Variants in SLC6A14 observed in about 807,000 individuals in gnomAD.
SLC6A14 encodes the protein solute carrier family 6 member 14.
In SLC6A14, 21 loss-of-function variants were observed where a neutral mutation model predicts 51.4. The ratio of observed to expected loss-of-function variants is 0.41; its 90% CI spans 0.29 to 0.59. The LOEUF is 0.59. Among genes scored for constraint, SLC6A14 ranks in the 20% least tolerant of loss-of-function variants. The pLI is 0.31. For synonymous variants in SLC6A14, 177 were observed against 160.7 expected (o/e 1.10, Z -0.77); for missense variants, 371 against 472.8 (o/e 0.78, Z 2.00).
rs1556694988 is a variant in SLC6A14 at position 116,458,965 on chromosome X, G to GA, written c.*17dup. 1 of 1,176,858 alleles carries GA rather than the reference G, an allele frequency of 8.5e-7. No homozygotes were observed. Among genetic ancestry groups the GA allele is most frequent in the Non-Finnish European group, 1.1e-6 (1 of 874,940 alleles). ...CAGAAAACCGGAATGAGATCTCATTGAAAAAAATATATGATTGTATAATGT... is the reference window on the plus strand; with the variant it reads ...CAGAAAACCGGAATGAGATCTCATTGAAAAAAAATATATGATTGTATAATGT... On this transcript the variant is annotated 3_prime_UTR_variant, in exon 14 of 14. Transcript: ENST00000598581.
At chrX:116,438,913 G>T (rs1556693480) in intron 2 of SLC6A14, among the ~76,000 whole-genome samples, 1 of 111,720 alleles carries the variant, frequency 9.0e-6, no homozygotes, top group African/African-American at 3.2e-5. Flanking sequence ...AGAGACTTAA[G>T]AAAGAAGCTC....
intron 8 of SLC6A14, 28 bp downstream of exon 8, chrX:116,451,698 T>G (rs781989702): frequency 1.1e-6 from 1 of 887,766 alleles, no homozygotes; most frequent in Non-Finnish European, 1.6e-6. Flanking sequence ...TTATCAACTT[T>G]GATTAATTCA....
At chrX:116,447,667 T>C (rs1418415865) in intron 7 of SLC6A14, among the ~76,000 whole-genome samples, 2 of 109,013 alleles carry the variant, frequency 1.8e-5, no homozygotes, top group Non-Finnish European at 3.8e-5. Context: ...GCACAATCTC[T>C]GCTCACTGCA....
At chrX:116,455,150 C>A in intron 11 of SLC6A14, 74 bp downstream of exon 11, 1 of 735,635 alleles carries the variant, frequency 1.4e-6, no homozygotes, top group African/African-American at 2.1e-5. Flanking sequence ...ATTATATTTA[C>A]CTAATTATAC....
Position 116,443,694 on chromosome X carries a change from A to C in SLC6A14, c.560A>C (p.Gln187Pro). The stretch of plus-strand genomic sequence containing the variant: ...AATAAAGGAATACAAGAGATCATCC[A>C]AATGAATAAAAGCTGGGTAGACATC... ...TVNKGIQEII[Q>P]MNKSWVDINN... Residue 187 changes from glutamine to proline, a missense_variant, in exon 5 of 14, where the codon CAA (glutamine) becomes CCA (proline). This residue lies in a region of SLC6A14 where 277 missense variants were observed against 391.8 expected (regional missense o/e 0.71). Transcript: ENST00000598581. 3 of 1,200,431 alleles carry C rather than the reference A, an allele frequency of 2.5e-6. No individual in the cohort carries two copies. Among genetic ancestry groups the C allele is most frequent in the Non-Finnish European group, 3.4e-6 (3 of 886,429 alleles).
chrX:116,437,692 TC>T, intron 1 of SLC6A14, 97 bp from the exon 2 acceptor site: 1 of 837,809 alleles, frequency 1.2e-6, no homozygotes, highest in Non-Finnish European at 1.7e-6. Flanking sequence ...CAGGGTTTCT[TC>T]CCCCCATTTT....
rs782782682 is a variant in SLC6A14, at chrX:116,437,970, C to T, written c.214+15C>T. 5.1e-6 allele frequency: 3 copies of T among 587,973 alleles called. No homozygotes were observed. In the South Asian group the frequency reaches 7.3e-5, roughly 14 times the overall value. 48.5% of individuals were successfully genotyped at this position (587,973 alleles called of 1,213,427 possible). On this transcript the variant is annotated intron_variant, in intron 2 of 13. Coordinates refer to ENST00000598581, the MANE Select transcript of SLC6A14 (RefSeq NM_007231.5). Reference sequence around the variant, plus strand: ...CAATGGTGGAGGTATTCTATTTCACCCCCACCCTCCCACCCCCGCTTTTCC... The same window carrying T: ...CAATGGTGGAGGTATTCTATTTCACTCCCACCCTCCCACCCCCGCTTTTCC...
intron 13 of SLC6A14, among the ~76,000 whole-genome samples, chrX:116,458,606 A>C (rs1004288188): frequency 6.2e-5 from 7 of 112,006 alleles, no homozygotes; most frequent in Non-Finnish European, 1.3e-4. Flanking sequence ...TCTATTAACA[A>C]CTAGCTACAT....
At chrX:116,452,177 G>A (rs1556694456) in intron 8 of SLC6A14, among the ~76,000 whole-genome samples, 1 of 111,278 alleles carries the variant, frequency 9.0e-6, no homozygotes, top group African/African-American at 3.3e-5. Flanking sequence ...AAGTAGGGAT[G>A]CTTCATTAAA....
In SLC6A14 at chrX:116,458,875, A is replaced by G; in HGVS notation, c.1849A>G (p.Arg617Gly). The change falls in exon 14 of 14, where the codon AGA becomes GGA. Residue 617 changes from arginine to glycine, a missense_variant. Transcript: ENST00000598581. Reference sequence around the variant, plus strand: ...ATACCTGGAACAACATCGTGGGGAAAGATATAAAGACATGGTAGATCCTAA... The same window carrying G: ...ATACCTGGAACAACATCGTGGGGAAGGATATAAAGACATGGTAGATCCTAA... Reference protein sequence around the residue: ...GPYLEQHRGERYKDMVDPKKE... With the variant: ...GPYLEQHRGEGYKDMVDPKKE... 8.3e-7 allele frequency: 1 copy of G among 1,203,926 alleles called. No homozygotes were observed. Among genetic ancestry groups the G allele is most frequent in the Non-Finnish European group, 1.1e-6 (1 of 890,720 alleles).
At chrX:116,458,338 A>G (rs1374346554) in intron 13 of SLC6A14, among the ~76,000 whole-genome samples, 1 of 111,740 alleles carries the variant, frequency 8.9e-6, no homozygotes, top group Non-Finnish European at 1.9e-5. Context: ...CCTTAGATTT[A>G]AATAAATTCC....
At chrX:116,452,011 T>C (rs1339754618) in intron 8 of SLC6A14, among the ~76,000 whole-genome samples, 2 of 111,854 alleles carry the variant, frequency 1.8e-5, no homozygotes, top group African/African-American at 3.2e-5. Flanking sequence ...TTAAAACACA[T>C]GAACATCATA....
At chrX:116,444,897 A>G in intron 5 of SLC6A14, 21 bp from the exon 6 acceptor site, 8 of 1,206,669 alleles carry the variant, frequency 6.6e-6, no homozygotes, top group Non-Finnish European at 9.0e-6. Context: ...CTGTGATCAT[A>G]AAATGGCTTA....
intron 7 of SLC6A14, among the ~76,000 whole-genome samples, chrX:116,448,025 A>T (rs1197444518): frequency 2.7e-5 from 3 of 112,444 alleles, no homozygotes; most frequent in Admixed American, 9.4e-5. Context: ...TACTAATACT[A>T]TTCAAAATGG....
rs1379143805 is a variant in SLC6A14, at chrX:116,459,662, C to T, written c.*707C>T. On this transcript the variant is annotated 3_prime_UTR_variant, in exon 14 of 14. Coordinates refer to ENST00000598581, the MANE Select transcript of SLC6A14 (RefSeq NM_007231.5). ...AATTGAGTTTTGAGTACCTCTTTTC[C>T]CATATACAATCTTCCTTCCTTAGGT... 3 of 111,582 alleles carry T rather than the reference C, an allele frequency of 2.7e-5. No homozygotes were observed. Among genetic ancestry groups the T allele is most frequent in the African/African-American group, 9.8e-5 (3 of 30,690 alleles). 9.2% of individuals were successfully genotyped at this position (111,582 alleles called of 1,213,427 possible). A position where few individuals can be genotyped will look rare whatever the true frequency, so the allele number is the denominator to read the frequency against.
rs187651222 is a variant in SLC6A14, at chrX:116,440,033, T to A, written c.215-933T>A. Among the ~76,000 whole-genome samples the A allele has an allele frequency of 3.6e-5, 4 of 111,743 alleles. No individual in the cohort carries two copies. The East Asian group carries it at 8.4e-4, about 24-fold the overall frequency. On this transcript the variant is annotated intron_variant, in intron 2 of 13. Coordinates refer to ENST00000598581, the MANE Select transcript of SLC6A14 (RefSeq NM_007231.5). ...ATGAGTAAATTAAATGTATACAATC[T>A]GAAAACCCATTTTTATCCACTGATC... is the stretch of plus-strand genomic sequence containing the variant.
intron 7 of SLC6A14, among the ~76,000 whole-genome samples, chrX:116,450,066 C>T (rs782014204): frequency 9.0e-6 from 1 of 111,059 alleles, no homozygotes; most frequent in Non-Finnish European, 1.9e-5. Flanking sequence ...AGAATAGTAC[C>T]TTTATAACCT....
At chrX:116,456,188 G>A (rs1290509420) in intron 12 of SLC6A14, among the ~76,000 whole-genome samples, 3 of 110,620 alleles carry the variant, frequency 2.7e-5, no homozygotes, top group Admixed American at 9.6e-5. Flanking sequence ...AATGGTGGTG[G>A]GGTGAGGCAG....
chrX:116,450,124 A>G (rs782766215), intron 7 of SLC6A14, among the ~76,000 whole-genome samples: 18 of 111,696 alleles, frequency 1.6e-4, no homozygotes, highest in Admixed American at 7.7e-4. Context: ...GATAATACCT[A>G]TAGTCAAAGA....
Sources: gnomAD v4.1 joint callset for allele counts (sites outside exome capture counted in the v4.1 genomes callset) on GRCh38, gnomAD v4.1.1 for gene constraint, gnomAD v4.1.1 regional missense constraint, MANE v1.5 for transcripts, NCBI Gene and HGNC (gene_info 2026-07-23, HGNC 2026-07-21) for gene names.